The following THEMIS variants were observed in gnomAD, a reference collection of about 807,000 sequenced individuals.
THEMIS encodes thymocyte selection associated.
THEMIS carries 37 observed loss-of-function variants against 52.6 expected under a neutral mutation model. The ratio of observed to expected loss-of-function variants is 0.70; its 90% CI spans 0.54 to 0.93. THEMIS has a LOEUF of 0.93. Ranked by LOEUF, THEMIS falls within the 40% of genes least tolerant of loss-of-function variation. THEMIS has a pLI of 0.00. For synonymous variants in THEMIS, 292 were observed against 272.7 expected, an observed-to-expected ratio of 1.07 and a Z score of -0.70; for missense variants, 808 against 763.1, an observed-to-expected ratio of 1.06 and a Z score of -0.69.
At chr6:127,699,972 T>A in the THEMIS span, among the ~76,000 whole-genome samples, 1 of 151,832 alleles carries the variant, frequency 6.6e-6, no homozygotes, top group Non-Finnish European at 1.5e-5. Flanking sequence ...CCATTAAAAT[T>A]AAGAACTGTG....
intron 4 of THEMIS, among the ~76,000 whole-genome samples, chr6:127,747,309 A>C (rs1318321971): frequency 2.4e-5 from 3 of 127,056 alleles, no homozygotes; most frequent in East Asian, 4.1e-4. Flanking sequence ...AATGGTATAT[A>C]ATTATAAATA....
chr6:127,762,275 A>G (rs992693902), intron 4 of THEMIS, among the ~76,000 whole-genome samples: 1 of 152,090 alleles, frequency 6.6e-6, no homozygotes. Context: ...GGAGTGACAA[A>G]TTAAGTTTCA....
chr6:127,824,724 C>T (rs2114645064), intron 3 of THEMIS, among the ~76,000 whole-genome samples: 1 of 152,318 alleles, frequency 6.6e-6, no homozygotes, highest in Non-Finnish European at 1.5e-5. Flanking sequence ...GTCTCGATCT[C>T]CTGACCTCGT....
chr6:127,731,815 A>G (rs1291876633), intron 4 of THEMIS, among the ~76,000 whole-genome samples: 1 of 140,150 alleles, frequency 7.1e-6, no homozygotes. Flanking sequence ...CTCCTGCCTC[A>G]GGTTCCCGAG....
chr6:127,817,791 G>C (rs760089719), intron 3 of THEMIS, among the ~76,000 whole-genome samples: 3 of 152,122 alleles, frequency 2.0e-5, no homozygotes, highest in Non-Finnish European at 2.9e-5. Context: ...GGGACTAAAG[G>C]TAGAATTGTT....
At chr6:127,771,450 T>C (rs1174031542) in intron 4 of THEMIS, among the ~76,000 whole-genome samples, 2 of 152,058 alleles carry the variant, frequency 1.3e-5, no homozygotes, top group Non-Finnish European at 2.9e-5. Context: ...GAGCCCATAT[T>C]GCCAAGACAA....
rs189574050 is a variant in THEMIS at position 127,729,128 on chromosome 6, T to C, written c.1759-9305A>G. Among the ~76,000 whole-genome samples the C allele has an allele frequency of 2.3e-5, 3 of 131,344 alleles. No homozygotes were observed. The East Asian group carries it at 6.3e-4, about 27-fold the overall frequency. 86.2% of individuals were successfully genotyped at this position (131,344 alleles called of 152,430 possible). A position where few individuals can be genotyped will look rare whatever the true frequency, so the allele number is the denominator to read the frequency against. ...GATCCTCAATTTCCATTCTACTCCC[T>C]TTACCAATTTATTCTCTCTCTCTCT... On this transcript the variant is annotated intron_variant, in intron 4 of 5. Transcript: ENST00000368248.
In THEMIS at chr6:127,812,934, G is replaced by A; in HGVS notation, c.1707C>T (p.Thr569=). ...TCCTTTCTTCTGCTAAGGTTAGCAG[G>A]GTTAACTTTGTTTCCTCTACTGAGG... ...KHPSVEETKL[T]LLTLAEERTV... is the part of the protein sequence containing the mutation. The change falls in exon 4 of 6, where the codon ACC becomes ACT. Residue 569 remains threonine, a synonymous_variant. Transcript: ENST00000368248. 6.2e-7 allele frequency: 1 copy of A among 1,613,888 alleles called. No individual in the cohort carries two copies. The highest frequency in any genetic ancestry group is 8.5e-7 in the Non-Finnish European group (1 of 1,179,914).
intron 2 of THEMIS, among the ~76,000 whole-genome samples, chr6:127,847,417 A>G (rs1779256542): frequency 6.6e-6 from 1 of 152,070 alleles, no homozygotes; most frequent in Admixed American, 6.6e-5. Flanking sequence ...CCCAGATCTG[A>G]TAAACAAATT....
chr6:127,902,271 G>A (rs1371615296), upstream of THEMIS, among the ~76,000 whole-genome samples: 1 of 142,658 alleles, frequency 7.0e-6, no homozygotes, highest in East Asian at 2.0e-4. Context: ...GCTACAGTGA[G>A]TTGTGAACAT....
At chr6:127,742,776 A>T (rs1775253771) in intron 4 of THEMIS, among the ~76,000 whole-genome samples, 1 of 152,056 alleles carries the variant, frequency 6.6e-6, no homozygotes, top group Admixed American at 6.6e-5. Flanking sequence ...GGTGGGGGAG[A>T]AATAAAAAGT....
chr6:127,848,758 T>G (rs1779314027), intron 2 of THEMIS, among the ~76,000 whole-genome samples: 1 of 152,148 alleles, frequency 6.6e-6, no homozygotes, highest in Non-Finnish European at 1.5e-5. Context: ...CCTTGCCCAC[T>G]TTTTGATGGG....
chr6:127,746,588 CTATA>C (rs1263140741), intron 4 of THEMIS, among the ~76,000 whole-genome samples: 3 of 145,130 alleles, frequency 2.1e-5, no homozygotes, highest in African/African-American at 7.7e-5. Context: ...CAAGGGTACA[CTATA>C]TATTGTTATT....
At position 127,917,826 on chromosome 6, in the gene THEMIS, C is replaced by T. The variant is rs565367609; in HGVS notation, c.-150+602G>A. 7.9e-4 allele frequency among the ~76,000 whole-genome samples: 120 copies of T among 152,296 alleles called. 1 individual carries two copies. The highest frequency in any genetic ancestry group is 2.8e-3 in the African/African-American group (116 of 41,564). On this transcript the variant is annotated intron_variant, in intron 1 of 6. Transcript: ENST00000368250. ...ACTTCTGAAGAACTAGCCACAAATT[C>T]CTGCTTCCGAGGAAGCTGTTACTTT...
At chr6:127,916,819 G>A (rs747676611) in intron 1 of THEMIS, among the ~76,000 whole-genome samples, 1 of 152,132 alleles carries the variant, frequency 6.6e-6, no homozygotes, top group Non-Finnish European at 1.5e-5. Flanking sequence ...GTACTACCAG[G>A]GAATTATTTC....
At chr6:127,820,815 T>A (rs994946211) in intron 3 of THEMIS, among the ~76,000 whole-genome samples, 5 of 131,858 alleles carry the variant, frequency 3.8e-5, no homozygotes, top group African/African-American at 1.3e-4. Context: ...ATTCTGTTGA[T>A]TTTTTTATAT....
chr6:127,866,842 G>A (rs1779994769), intron 1 of THEMIS, among the ~76,000 whole-genome samples: 1 of 151,882 alleles, frequency 6.6e-6, no homozygotes, highest in Admixed American at 6.6e-5. Context: ...GGTAGCTGGA[G>A]ACAGAAGGGA....
chr6:127,866,171 T>G (rs1779965695), intron 1 of THEMIS, among the ~76,000 whole-genome samples: 1 of 152,074 alleles, frequency 6.6e-6, no homozygotes, highest in Non-Finnish European at 1.5e-5. Flanking sequence ...TGCTTTTTCT[T>G]CCTTCGTTTT....
At chr6:127,723,592 C>T (rs1251862814) in intron 4 of THEMIS, among the ~76,000 whole-genome samples, 1 of 151,982 alleles carries the variant, frequency 6.6e-6, no homozygotes, top group African/African-American at 2.4e-5. Flanking sequence ...CAGGAGCTTG[C>T]ATGCCTTAGT....
Sources: allele counts gnomAD v4.1 joint callset (sites outside exome capture counted in the v4.1 genomes callset), GRCh38; gene constraint gnomAD v4.1.1; transcripts MANE v1.5; gene names NCBI Gene and HGNC (gene_info 2026-07-23, HGNC 2026-07-21).